VPS37A: variants seen among roughly 807,000 people sequenced by gnomAD.
VPS37A encodes the protein vacuolar protein sorting-associated protein 37A.
A neutral mutation model predicts 49.8 loss-of-function variants in VPS37A; 30 were observed. That is an observed-to-expected ratio of 0.60 (90% confidence interval 0.45 to 0.82). The LOEUF (loss-of-function observed/expected upper bound fraction) is 0.82, where lower values mean the gene tolerates loss of function less well. Among genes scored for constraint, VPS37A ranks in the 40% least tolerant of loss-of-function variants. The probability of loss-of-function intolerance (pLI) is 0.00; values close to 1 mark genes in which losing one functional copy is unlikely to be tolerated. For missense variants in VPS37A, 593 were observed against 464.4 expected (o/e 1.28, Z -2.55); for synonymous variants, 195 against 160.6 (o/e 1.21, Z -1.62).
At chr8:17,311,457 G>T in the VPS37A span, 3 of 1,610,756 alleles carry the variant, frequency 1.9e-6, no homozygotes, top group African/African-American at 1.3e-5. Context: ...AAAAACAGGG[G>T]TCCATTCCTG....
chr8:17,266,992 C>T (rs528332667), intron 2 of VPS37A, among the ~76,000 whole-genome samples: 8 of 152,094 alleles, frequency 5.3e-5, no homozygotes, highest in African/African-American at 1.9e-4. Flanking sequence ...AGGCTGGTCT[C>T]GAACTCCTGA....
At chr8:17,271,466 C>T (rs554128700) in intron 4 of VPS37A, among the ~76,000 whole-genome samples, 1 of 152,164 alleles carries the variant, frequency 6.6e-6, no homozygotes, top group South Asian at 2.1e-4. Context: ...GTTAGCTGGG[C>T]ATGGTGGTGG....
chr8:17,293,306 G>A (rs954354522), intron 11 of VPS37A, among the ~76,000 whole-genome samples: 3 of 151,172 alleles, frequency 2.0e-5, no homozygotes, highest in African/African-American at 7.3e-5. Context: ...CCATCAGGTA[G>A]GTCATTTATT....
At chr8:17,305,687 G>C, downstream of VPS37A, 2 of 1,357,266 alleles carry the variant, frequency 1.5e-6, no homozygotes, top group South Asian at 1.3e-5. Flanking sequence ...ATTATGAAAG[G>C]CCACCTAAAA....
downstream of VPS37A, chr8:17,305,802 A>G (rs1359122778): frequency 6.2e-7 from 1 of 1,613,628 alleles, no homozygotes; most frequent in Non-Finnish European, 8.5e-7. Context: ...GAAGTTTCCA[A>G]ACTGGCAGGA....
downstream of VPS37A, chr8:17,305,755 A>G: frequency 6.2e-7 from 1 of 1,603,894 alleles, no homozygotes; most frequent in Admixed American, 1.7e-5. Context: ...CAAAACACTT[A>G]CTTGAGTTCT....
chr8:17,309,873 T>A, the VPS37A span, among the ~76,000 whole-genome samples: 1 of 152,172 alleles, frequency 6.6e-6, no homozygotes, highest in African/African-American at 2.4e-5. Context: ...AAAATGATGG[T>A]GTTTGGGGTA....
At chr8:17,259,185 T>C (rs2150359619) in intron 1 of VPS37A, among the ~76,000 whole-genome samples, 1 of 152,224 alleles carries the variant, frequency 6.6e-6, no homozygotes, top group East Asian at 1.9e-4. Flanking sequence ...TTTGAAGTCT[T>C]TTTACTTTTT....
At chr8:17,253,391 C>G (rs963072137) in intron 1 of VPS37A, among the ~76,000 whole-genome samples, 2 of 152,342 alleles carry the variant, frequency 1.3e-5, no homozygotes, top group South Asian at 4.1e-4. Context: ...GACCATGTCA[C>G]TCCTTTCAGT....
chr8:17,299,023 T>G (rs1212968422), downstream of VPS37A: 1 of 152,220 alleles, frequency 6.6e-6, no homozygotes, highest in African/African-American at 2.4e-5. Context: ...CTTTATAATG[T>G]GATACTTTGA....
chr8:17,250,096 A>T (rs1173480897), intron 1 of VPS37A, among the ~76,000 whole-genome samples: 1 of 152,116 alleles, frequency 6.6e-6, no homozygotes, highest in Non-Finnish European at 1.5e-5. Context: ...ACCTTTCTAG[A>T]TTTTTTGTAG....
chr8:17,331,286 C>T, the VPS37A span: 2 of 1,588,182 alleles, frequency 1.3e-6, no homozygotes, highest in Non-Finnish European at 8.5e-7. Context: ...CATTAAGCTG[C>T]AGTGGTCAGC....
At chr8:17,322,941 T>C in the VPS37A span, among the ~76,000 whole-genome samples, 3 of 142,040 alleles carry the variant, frequency 2.1e-5, no homozygotes, top group East Asian at 2.2e-4. Flanking sequence ...CTAGAGTGGA[T>C]TGAATTATCT....
chr8:17,288,166 C>G (rs903302209), intron 11 of VPS37A, among the ~76,000 whole-genome samples: 13 of 152,146 alleles, frequency 8.5e-5, no homozygotes, highest in African/African-American at 3.1e-4. Flanking sequence ...TATGAACATA[C>G]TCAAATCCGT....
rs1306273221 is a variant in VPS37A at position 17,297,934 on chromosome 8, T to C, written c.*2948T>C. 3 of 152,114 alleles carry C rather than the reference T, an allele frequency of 2.0e-5. No homozygotes were observed. 9.4% of individuals were successfully genotyped at this position (152,114 alleles called of 1,614,324 possible). On this transcript the variant is annotated 3_prime_UTR_variant, in exon 12 of 12. Transcript: ENST00000324849. The stretch of plus-strand genomic sequence containing the variant: ...GGACTAAAAGTTTATGACTCTGATA[T>C]GGAAGTTGTCATATTAAAAAACTAC...
chr8:17,293,248 T>C (rs1050179540), intron 11 of VPS37A, among the ~76,000 whole-genome samples: 8 of 151,372 alleles, frequency 5.3e-5, no homozygotes, highest in African/African-American at 1.7e-4. Context: ...GATTGGGCTG[T>C]TGATACTATG....
At chr8:17,294,844 T>A (rs912409553) in intron 11 of VPS37A, 143 bp from the exon 12 acceptor site, 2 of 152,232 alleles carry the variant, frequency 1.3e-5, no homozygotes, top group African/African-American at 4.8e-5. Flanking sequence ...TTGGTCTCCC[T>A]GGGAGCTGCA....
rs377275842 is a variant in VPS37A at position 17,247,859 on chromosome 8, A to G, written c.125+490A>G. ...AGTGAATGCTTCTCGTCTGAGAGTC[A>G]CTTATCACGTAGTCAGTCTTCTTGA... On this transcript the variant is annotated intron_variant, in intron 1 of 11. Transcript: ENST00000324849. 1.2e-4 allele frequency: 81 copies of G among 674,546 alleles called. No homozygotes were observed. In the East Asian group the frequency reaches 2.0e-3, roughly 17 times the overall value. The allele number at this position is 674,546 out of a possible 1,614,324, so 41.8% of individuals were successfully genotyped here. A position where few individuals can be genotyped will look rare whatever the true frequency, so the allele number is the denominator to read the frequency against.
intron 1 of VPS37A, among the ~76,000 whole-genome samples, chr8:17,250,054 G>C (rs1811829650): frequency 6.6e-6 from 1 of 152,206 alleles, no homozygotes; most frequent in Non-Finnish European, 1.5e-5. Flanking sequence ...GGCTCATATG[G>C]AGTGAGGGTC....
Sources: gnomAD v4.1 joint callset for allele counts (sites outside exome capture counted in the v4.1 genomes callset) on GRCh38, gnomAD v4.1.1 for gene constraint, MANE v1.5 for transcripts, NCBI Gene and HGNC (gene_info 2026-07-23, HGNC 2026-07-21) for gene names.